Variants in PHACTR1 observed in about 807,000 individuals in gnomAD.
PHACTR1 encodes the protein RPEL repeat containing 1.
Under a neutral mutation model 69.2 loss-of-function variants are expected in PHACTR1, and 16 were observed. That is an observed-to-expected ratio of 0.23 (90% CI 0.16 to 0.35). The LOEUF is 0.35. Ranked by LOEUF, PHACTR1 falls within the 10% of genes least tolerant of loss-of-function variation. The probability of loss-of-function intolerance (pLI) is 1.00; values close to 1 mark genes in which losing one functional copy is unlikely to be tolerated. For missense variants in PHACTR1, 510 were observed against 734.7 expected, an observed-to-expected ratio of 0.69 and a Z score of 3.54; for synonymous variants, 312 against 284.5, an observed-to-expected ratio of 1.10 and a Z score of -0.97.
At chr6:12,814,367 T>C (rs1775344157) in intron 4 of PHACTR1, among the ~76,000 whole-genome samples, 1 of 152,220 alleles carries the variant, frequency 6.6e-6, no homozygotes, top group South Asian at 2.1e-4. Flanking sequence ...TGGCAAGAAG[T>C]AAACAAAGAC....
At chr6:13,268,696 G>T (rs1457062774) in intron 10 of PHACTR1, among the ~76,000 whole-genome samples, 1 of 152,150 alleles carries the variant, frequency 6.6e-6, no homozygotes, top group African/African-American at 2.4e-5. Flanking sequence ...AAACCTCCTA[G>T]CTCCTGAGCT....
At chr6:13,259,081 C>A (rs1421793835) in intron 10 of PHACTR1, among the ~76,000 whole-genome samples, 2 of 152,134 alleles carry the variant, frequency 1.3e-5, no homozygotes, top group Admixed American at 1.3e-4. Flanking sequence ...TATTTCCTAG[C>A]TTTTTGGCAT....
chr6:12,791,371 A>G (rs573681300), intron 4 of PHACTR1, among the ~76,000 whole-genome samples: 1 of 152,284 alleles, frequency 6.6e-6, no homozygotes, highest in Admixed American at 6.5e-5. Context: ...GAGGAAATAG[A>G]TCAGCCCAAT....
intron 4 of PHACTR1, among the ~76,000 whole-genome samples, chr6:12,814,976 T>C (rs1202000968): frequency 6.6e-6 from 1 of 152,240 alleles, no homozygotes; most frequent in Admixed American, 6.5e-5. Context: ...AGACTAATTT[T>C]GAGCTTCAGT....
chr6:12,783,727 A>G (rs1014673417), intron 4 of PHACTR1, among the ~76,000 whole-genome samples: 4 of 152,250 alleles, frequency 2.6e-5, no homozygotes, highest in African/African-American at 7.2e-5. Context: ...AAAGGAAGAA[A>G]TTAAAGGTTA....
intron 4 of PHACTR1, among the ~76,000 whole-genome samples, chr6:12,904,752 A>G (rs1183312179): frequency 1.3e-5 from 2 of 152,056 alleles, no homozygotes; most frequent in Non-Finnish European, 2.9e-5. Flanking sequence ...AACCCCATCC[A>G]ACCAGCCTAA....
intron 14 of PHACTR1, 88 bp from the exon 15 acceptor site, chr6:13,286,975 A>G: frequency 1.4e-6 from 2 of 1,442,090 alleles, no homozygotes; most frequent in Admixed American, 2.0e-5. Context: ...CTCACGGTCA[A>G]GAACCTCCCT....
At chr6:12,919,393 G>A (rs1310868249) in intron 4 of PHACTR1, among the ~76,000 whole-genome samples, 3 of 151,700 alleles carry the variant, frequency 2.0e-5, no homozygotes, top group East Asian at 1.9e-4. Context: ...TGCCTGCCTC[G>A]GCCTCCCAAA....
chr6:13,206,300 A>G (rs1382062798), intron 8 of PHACTR1, among the ~76,000 whole-genome samples, 164 bp downstream of exon 8: 1 of 149,648 alleles, frequency 6.7e-6, no homozygotes, highest in East Asian at 1.9e-4. Context: ...CAAAGCATGG[A>G]AAAAAAAAAT....
rs953414127 is a variant in PHACTR1, at chr6:12,941,542, G to A, written c.251-111823G>A. Among the ~76,000 whole-genome samples the A allele has an allele frequency of 7.9e-5, 12 of 152,094 alleles. 1 individual carries two copies. The highest frequency in any genetic ancestry group is 1.3e-4 in the Admixed American group (2 of 15,268). The stretch of plus-strand genomic sequence containing the variant: ...GACCTTTCCTCAGCAGGGAGAGTTC[G>A]TGACCGGATGTCACTACCTCTCACT... On this transcript the variant is annotated intron_variant, in intron 4 of 14. Coordinates refer to ENST00000332995, the MANE Select transcript of PHACTR1 (RefSeq NM_030948.6).
At position 13,206,016 on chromosome 6, in the gene PHACTR1, A is replaced by G. The variant is rs2113873854; in HGVS notation, c.866A>G (p.Tyr289Cys). 2 of 1,613,256 alleles carry G rather than the reference A, an allele frequency of 1.2e-6. No individual in the cohort carries two copies. The highest frequency in any genetic ancestry group is 1.7e-6 in the Non-Finnish European group (2 of 1,179,802). Residue 289 changes from tyrosine to cysteine, a missense_variant, in exon 8 of 15, where the codon TAC becomes TGC. Transcript: ENST00000332995. The stretch of plus-strand genomic sequence containing the variant: ...TCCCAGATCCAGCACCAGCTGCAGT[A>G]CGGCAGCCACGGCCAGCACCTCCCC... ...LPSQIQHQLQ[Y>C]GSHGQHLPST...
intron 4 of PHACTR1, among the ~76,000 whole-genome samples, chr6:12,986,391 G>A (rs933887535): frequency 1.3e-5 from 2 of 152,188 alleles, no homozygotes; most frequent in South Asian, 4.1e-4. Context: ...ATAGACAATA[G>A]TTCTAACATA....
chr6:13,131,154 T>C (rs886567521), intron 5 of PHACTR1, among the ~76,000 whole-genome samples: 1 of 150,716 alleles, frequency 6.6e-6, no homozygotes, highest in Non-Finnish European at 1.5e-5. Context: ...TATACACATA[T>C]ATATGTATAT....
Position 13,202,740 on chromosome 6 carries a change from G to C in PHACTR1, c.665-3075G>C, listed in dbSNP as rs568860099. On this transcript the variant is annotated intron_variant, in intron 7 of 14. Coordinates refer to ENST00000332995, the MANE Select transcript of PHACTR1 (RefSeq NM_030948.6). ...AATCCACCTGCCTCGGCCTCGAAAA[G>C]TGCTGGGATTACAGGCGTGGGCCAC... 2.6e-5 allele frequency among the ~76,000 whole-genome samples: 4 copies of C among 152,350 alleles called. No individual in the cohort carries two copies. The East Asian group carries it at 7.7e-4, about 29-fold the overall frequency.
At chr6:12,862,421 AG>A (rs1209420998) in intron 4 of PHACTR1, among the ~76,000 whole-genome samples, 1 of 152,146 alleles carries the variant, frequency 6.6e-6, no homozygotes, top group Non-Finnish European at 1.5e-5. Flanking sequence ...TAGATCTGGG[AG>A]ACTGTGAGGA....
Position 13,102,675 on chromosome 6 carries a change from C to G in PHACTR1, c.415+49146C>G, listed in dbSNP as rs540461436. Among the ~76,000 whole-genome samples, 9 of 152,166 alleles carry G rather than the reference C, an allele frequency of 5.9e-5. No homozygotes were observed. In the South Asian group the frequency reaches 1.0e-3, roughly 18 times the overall value. ...GACTGTGTGGGACCTCAAGAATGTA[C>G]AAAATCACCCCAGAAGAAAAAAATG... is the stretch of plus-strand genomic sequence containing the variant. On this transcript the variant is annotated intron_variant, in intron 5 of 14. Coordinates refer to ENST00000332995, the MANE Select transcript of PHACTR1 (RefSeq NM_030948.6).
intron 4 of PHACTR1, among the ~76,000 whole-genome samples, chr6:12,987,554 T>A (rs1023279614): frequency 9.9e-5 from 15 of 152,146 alleles, no homozygotes; most frequent in Non-Finnish European, 2.1e-4. Context: ...AGGCAGCTTC[T>A]AGTTCCAAAA....
intron 4 of PHACTR1, among the ~76,000 whole-genome samples, chr6:12,928,972 G>GT (rs1788583769): frequency 6.6e-6 from 1 of 152,176 alleles, no homozygotes; most frequent in South Asian, 2.1e-4. Context: ...AGGCATTGGT[G>GT]TTTTTTCAAA....
At chr6:12,778,109 A>G (rs1428259205) in intron 4 of PHACTR1, among the ~76,000 whole-genome samples, 1 of 152,142 alleles carries the variant, frequency 6.6e-6, no homozygotes, top group Non-Finnish European at 1.5e-5. Flanking sequence ...AGAAAAAAAA[A>G]ATGAATTATT....
Sources: gnomAD v4.1 joint callset for allele counts (sites outside exome capture counted in the v4.1 genomes callset) on GRCh38, gnomAD v4.1.1 for gene constraint, MANE v1.5 for transcripts, NCBI Gene and HGNC (gene_info 2026-07-23, HGNC 2026-07-21) for gene names.